The following GPC5 variants were observed in gnomAD, a reference collection of about 807,000 sequenced individuals.
GPC5 encodes the protein glypican-5.
A neutral mutation model predicts 53.9 loss-of-function variants in GPC5; 47 were observed. The ratio of observed to expected loss-of-function variants is 0.87; its 90% confidence interval spans 0.69 to 1.11. The LOEUF is 1.11. GPC5 is among the 50% of genes most tolerant of loss of function. The probability of loss-of-function intolerance (pLI) is 0.00; values close to 1 mark genes in which losing one functional copy is unlikely to be tolerated. For synonymous variants in GPC5, 286 were observed against 263.3 expected, an observed-to-expected ratio of 1.09 and a Z score of -0.84; for missense variants, 748 against 713.1, an observed-to-expected ratio of 1.05 and a Z score of -0.56.
At chr13:92,410,448 C>T (rs1182741043) in intron 7 of GPC5, among the ~76,000 whole-genome samples, 1 of 152,188 alleles carries the variant, frequency 6.6e-6, no homozygotes, top group Non-Finnish European at 1.5e-5. Context: ...CCTGTTCACT[C>T]ATTTGAGGAC....
At chr13:91,780,486 C>T (rs1436033543) in intron 5 of GPC5, among the ~76,000 whole-genome samples, 3 of 152,064 alleles carry the variant, frequency 2.0e-5, no homozygotes, top group Non-Finnish European at 4.4e-5. Flanking sequence ...ACTCTCCCTT[C>T]CTTTCTTGCT....
Position 91,398,728 on chromosome 13 carries a change from T to C in GPC5, c.-319T>C, listed in dbSNP as rs1467567730. ...GCAGCGGCAGCAGTTGCAGCAGTGG[T>C]GGCCAGAGCGGATGCTTGCGGGCTC... On this transcript the variant is annotated 5_prime_UTR_variant, in exon 1 of 8. Transcript: ENST00000377067. 3.4e-6 allele frequency: 1 copy of C among 298,056 alleles called. No individual in the cohort carries two copies. The highest frequency in any genetic ancestry group is 6.1e-5 in the East Asian group (1 of 16,372). 18.5% of individuals were successfully genotyped at this position (298,056 alleles called of 1,614,324 possible).
chr13:92,646,927 A>G (rs1459582105), intron 7 of GPC5, among the ~76,000 whole-genome samples: 9 of 68,748 alleles, frequency 1.3e-4, no homozygotes, highest in Non-Finnish European at 2.7e-4. Flanking sequence ...AATATATATA[A>G]ACATGTGTGT....
intron 4 of GPC5, among the ~76,000 whole-genome samples, chr13:91,740,847 A>T (rs2036918770): frequency 6.6e-6 from 1 of 152,210 alleles, no homozygotes. Flanking sequence ...GTTAGCTGGT[A>T]AGAATAAGCT....
intron 6 of GPC5, among the ~76,000 whole-genome samples, chr13:92,111,118 T>A (rs1268749784): frequency 6.6e-6 from 1 of 152,134 alleles, no homozygotes; most frequent in Non-Finnish European, 1.5e-5. Context: ...GGGGTCAGGA[T>A]TGGCAATATA....
At chr13:92,318,923 C>A (rs548730295) in intron 7 of GPC5, among the ~76,000 whole-genome samples, 1 of 152,048 alleles carries the variant, frequency 6.6e-6, no homozygotes, top group Admixed American at 6.6e-5. Context: ...GAAACTGATG[C>A]AGTATCTGGC....
chr13:91,596,872 C>G (rs936283914), intron 2 of GPC5, among the ~76,000 whole-genome samples: 2 of 152,042 alleles, frequency 1.3e-5, no homozygotes, highest in African/African-American at 4.8e-5. Flanking sequence ...TTCCTAGTAG[C>G]CTTACATGAA....
intron 5 of GPC5, among the ~76,000 whole-genome samples, chr13:91,907,376 A>AAT (rs1424407274): frequency 2.3e-4 from 33 of 146,494 alleles, no homozygotes; most frequent in East Asian, 7.9e-4. Flanking sequence ...CTAATTAGGA[A>AAT]ATATATATAT....
intron 7 of GPC5, among the ~76,000 whole-genome samples, chr13:92,332,313 T>G (rs2043293392): frequency 6.6e-6 from 1 of 152,186 alleles, no homozygotes; most frequent in Non-Finnish European, 1.5e-5. Flanking sequence ...ATCGGTTTGA[T>G]AGCTTATGTA....
chr13:92,546,865 A>T (rs192707178), intron 7 of GPC5, among the ~76,000 whole-genome samples: 1 of 152,180 alleles, frequency 6.6e-6, no homozygotes, highest in Non-Finnish European at 1.5e-5. Flanking sequence ...ATAATGCCGC[A>T]TATCTACAAC....
intron 2 of GPC5, among the ~76,000 whole-genome samples, chr13:91,536,834 T>C (rs1391175445): frequency 6.6e-6 from 1 of 152,220 alleles, no homozygotes; most frequent in African/African-American, 2.4e-5. Flanking sequence ...CTTAGCAAAC[T>C]AATATGAAAA....
intron 5 of GPC5, among the ~76,000 whole-genome samples, chr13:91,826,580 C>A (rs2038579562): frequency 6.6e-6 from 1 of 151,774 alleles, no homozygotes; most frequent in Non-Finnish European, 1.5e-5. Context: ...ACAGAATAAG[C>A]AAAACAGTCT....
In GPC5 at chr13:92,581,952, C is replaced by G. The variant is rs779712975; in HGVS notation, c.1562-284330C>G. 2.0e-5 allele frequency among the ~76,000 whole-genome samples: 3 copies of G among 152,052 alleles called. No homozygotes were observed. In the East Asian group the frequency reaches 5.8e-4, roughly 29 times the overall value. ...GTTCCTTATATATTTTGGATATCAACGCATTACCAGATGCATGGTTTCCAA... is the reference window on the plus strand; with the variant it reads ...GTTCCTTATATATTTTGGATATCAAGGCATTACCAGATGCATGGTTTCCAA... On this transcript the variant is annotated intron_variant, in intron 7 of 7. Transcript: ENST00000377067.
intron 6 of GPC5, among the ~76,000 whole-genome samples, chr13:92,094,156 A>AGCTGTTT (rs1355222885): frequency 6.6e-6 from 1 of 152,206 alleles, no homozygotes; most frequent in Non-Finnish European, 1.5e-5. Context: ...AATGTTTGGT[A>AGCTGTTT]GCTGTTTGAT....
chr13:91,558,110 G>T (rs879567126), intron 2 of GPC5, among the ~76,000 whole-genome samples: 5 of 152,078 alleles, frequency 3.3e-5, no homozygotes, highest in Non-Finnish European at 7.4e-5. Context: ...AATAGGAAAG[G>T]AATTGGAATT....
At chr13:92,403,090 G>T (rs1309724164) in intron 7 of GPC5, among the ~76,000 whole-genome samples, 1 of 152,132 alleles carries the variant, frequency 6.6e-6, no homozygotes, top group African/African-American at 2.4e-5. Context: ...CAATGTAGAA[G>T]TGCTGTGCTA....
At position 91,579,618 on chromosome 13, in the gene GPC5, CT is replaced by C. The variant is rs1429166855; in HGVS notation, c.326-113564del. ...TCATAATATTTCTTTCTTTCTTTTT[CT>C]TTTTCTTTTTTTTTTTTTTTTTTTT... On this transcript the variant is annotated intron_variant, in intron 2 of 7. Coordinates refer to ENST00000377067, the MANE Select transcript of GPC5 (RefSeq NM_004466.6). Among the ~76,000 whole-genome samples, 32 of 120,236 alleles carry C rather than the reference CT, an allele frequency of 2.7e-4. No homozygotes were observed. The East Asian group carries it at 6.5e-3, about 24-fold the overall frequency. The allele number at this position is 120,236 out of a possible 152,430, so 78.9% of individuals were successfully genotyped here.
At position 92,385,379 on chromosome 13, in the gene GPC5, T is replaced by C. The variant is rs1408239132; in HGVS notation, c.1561+240390T>C. Reference sequence around the variant, plus strand: ...ACATATATACATATATATACATATATACATATATATACATATATACACATA... The same window carrying C: ...ACATATATACATATATATACATATACACATATATATACATATATACACATA... On this transcript the variant is annotated intron_variant, in intron 7 of 7. Transcript: ENST00000377067. 4.8e-5 allele frequency among the ~76,000 whole-genome samples: 4 copies of C among 82,616 alleles called. 1 individual carries two copies. Among genetic ancestry groups the C allele is most frequent in the Non-Finnish European group, 7.2e-5 (3 of 41,528 alleles). 54.2% of individuals were successfully genotyped at this position (82,616 alleles called of 152,430 possible). A position where few individuals can be genotyped will look rare whatever the true frequency, so the allele number is the denominator to read the frequency against.
At chr13:91,514,018 T>C (rs1885370109) in intron 2 of GPC5, among the ~76,000 whole-genome samples, 1 of 152,222 alleles carries the variant, frequency 6.6e-6, no homozygotes. Flanking sequence ...ATTGCATAGA[T>C]ACATCACTTT....
Sources: gnomAD v4.1 joint callset for allele counts (sites outside exome capture counted in the v4.1 genomes callset) on GRCh38, gnomAD v4.1.1 for gene constraint, MANE v1.5 for transcripts, NCBI Gene and HGNC (gene_info 2026-07-23, HGNC 2026-07-21) for gene names.